CSNK1A1: variants seen among roughly 807,000 people sequenced by gnomAD.
CSNK1A1 encodes the protein casein kinase 1 alpha 1.
Under a neutral mutation model 46.1 loss-of-function variants are expected in CSNK1A1, and 7 were observed. The ratio of observed to expected loss-of-function variants is 0.15; its 90% CI spans 0.09 to 0.29. CSNK1A1 has a LOEUF of 0.29. Among genes scored for constraint, CSNK1A1 ranks in the 10% least tolerant of loss-of-function variants. The pLI is 1.00. For missense variants in CSNK1A1, 96 were observed against 417.1 expected, an observed-to-expected ratio of 0.23 and a Z score of 6.71; for synonymous variants, 137 against 141.5, an observed-to-expected ratio of 0.97 and a Z score of 0.23.
chr5:149,509,991 G>T, intron 6 of CSNK1A1, 38 bp from the exon 7 acceptor site: 2 of 1,381,076 alleles, frequency 1.4e-6, no homozygotes, highest in Non-Finnish European at 2.0e-6. Flanking sequence ...TATACTCAGT[G>T]CTACTGAGAA....
intron 9 of CSNK1A1, chr5:149,504,751 T>C: frequency 1.0e-6 from 1 of 985,434 alleles, no homozygotes; most frequent in Non-Finnish European, 1.2e-6. Flanking sequence ...ATTTGCAACA[T>C]TGTGAAAAAT....
intron 2 of CSNK1A1, among the ~76,000 whole-genome samples, chr5:149,540,247 T>C (rs1452650347): frequency 5.3e-5 from 8 of 152,162 alleles, no homozygotes; most frequent in Admixed American, 5.2e-4. Flanking sequence ...CTAGATGGCA[T>C]CACAGGCAGA....
At chr5:149,516,745 T>C (rs542116047) in intron 4 of CSNK1A1, among the ~76,000 whole-genome samples, 7 of 152,262 alleles carry the variant, frequency 4.6e-5, no homozygotes, top group Non-Finnish European at 1.0e-4. Context: ...ATCTAACTAG[T>C]CACAATACTT....
chr5:149,513,078 A>G lies in CSNK1A1; in HGVS notation c.588T>C (p.Ile196=). 6.2e-7 allele frequency: 1 copy of G among 1,613,952 alleles called. No homozygotes were observed. Among genetic ancestry groups the G allele is most frequent in the Non-Finnish European group, 8.5e-7 (1 of 1,179,896 alleles). The part of the protein sequence containing the change: ...RYASINAHLG[I]EQSRRDDMES... ...TCCATTTTCGAACTTACCTCTGCTC[A>G]ATACCAAGATGTGCATTGATGCTAG... Residue 196 remains isoleucine (I), a synonymous_variant, in exon 5 of 10, where the codon ATT becomes ATC. Coordinates refer to ENST00000377843, the MANE Select transcript of CSNK1A1 (RefSeq NM_001892.6).
rs181071757 is a variant in CSNK1A1 at position 149,497,640 on chromosome 5, G to C, written c.1007-780C>G. On this transcript the variant is annotated intron_variant, in intron 9 of 9. Coordinates refer to ENST00000377843, the MANE Select transcript of CSNK1A1 (RefSeq NM_001892.6). The stretch of plus-strand genomic sequence containing the variant: ...AGGGAGAAAATATGCCTGTCCCACA[G>C]CAATAGCCTGAAAATCTCTTAAGCA... 28 of 985,356 alleles carry C rather than the reference G, an allele frequency of 2.8e-5. No individual in the cohort carries two copies. In the Admixed American group the frequency reaches 1.5e-3, roughly 54 times the overall value. 61.0% of individuals were successfully genotyped at this position (985,356 alleles called of 1,614,324 possible).
chr5:149,498,120 C>A (rs1760714777), intron 9 of CSNK1A1: 3 of 985,410 alleles, frequency 3.0e-6, no homozygotes, highest in Non-Finnish European at 3.6e-6. Flanking sequence ...GTGGGAGCCA[C>A]CGTGCCCAGC....
intron 9 of CSNK1A1, chr5:149,504,295 A>G: frequency 2.0e-6 from 2 of 985,384 alleles, no homozygotes; most frequent in Non-Finnish European, 2.4e-6. Flanking sequence ...TGCTGGGATG[A>G]GGATGACATC....
At chr5:149,515,702 T>G (rs1761379353) in intron 4 of CSNK1A1, among the ~76,000 whole-genome samples, 1 of 152,192 alleles carries the variant, frequency 6.6e-6, no homozygotes, top group Non-Finnish European at 1.5e-5. Context: ...TTAGTAGCTC[T>G]CTCTGTATGC....
chr5:149,517,932 C>T lies in CSNK1A1; in HGVS notation c.456+2358G>A. On this transcript the variant is annotated intron_variant, in intron 4 of 9. Transcript: ENST00000377843. This position sits in a 1 kb window ranked among gnomAD's most constrained non-coding sequence, Gnocchi z 4.4. ...TCAAACAGTATTGCTTACATTGCAA[C>T]AATGGCCGGCGCAGACAGGCAACAC... 1 of 1,136,094 alleles carries T rather than the reference C, an allele frequency of 8.8e-7. No individual in the cohort carries two copies. The highest frequency in any genetic ancestry group is 1.3e-6 in the Non-Finnish European group (1 of 765,334). The allele number at this position is 1,136,094 out of a possible 1,614,324, so 70.4% of individuals were successfully genotyped here. A position where few individuals can be genotyped will look rare whatever the true frequency, so the allele number is the denominator to read the frequency against.
chr5:149,542,280 C>T (rs116627658), intron 2 of CSNK1A1, among the ~76,000 whole-genome samples: 1 of 151,926 alleles, frequency 6.6e-6, no homozygotes, highest in Admixed American at 6.6e-5. Flanking sequence ...CAGATGGAAG[C>T]AGGTAGTTGC....
At chr5:149,547,845 T>C (rs1287286612) in intron 2 of CSNK1A1, among the ~76,000 whole-genome samples, 3 of 151,954 alleles carry the variant, frequency 2.0e-5, no homozygotes, top group Non-Finnish European at 4.4e-5. Context: ...TAAATCAGCA[T>C]TGGAACTTTG....
rs150577586 is a variant in CSNK1A1 at position 149,548,616 on chromosome 5, T to C, written c.230+1459A>G. Among the ~76,000 whole-genome samples the C allele has an allele frequency of 9.1e-3, 1,387 of 151,650 alleles. 59 individuals are homozygous for C. The East Asian group carries it at 0.15, about 16-fold the overall frequency. ...TGGCTCATGCCTGTAATCCCAGCAC[T>C]TTGGGAGGCCGAGGCAGGCAGATCA... On this transcript the variant is annotated intron_variant, in intron 2 of 9. Coordinates refer to ENST00000377843, the MANE Select transcript of CSNK1A1 (RefSeq NM_001892.6).
chr5:149,501,808 C>A (rs531601542), intron 9 of CSNK1A1: 1 of 978,738 alleles, frequency 1.0e-6, no homozygotes, highest in East Asian at 1.1e-4. Flanking sequence ...TTTTCCTTTA[C>A]TTATTTTTAA....
At chr5:149,521,228 A>C (rs1383624284) in intron 3 of CSNK1A1, among the ~76,000 whole-genome samples, 1 of 150,688 alleles carries the variant, frequency 6.6e-6, no homozygotes, top group East Asian at 1.9e-4. Context: ...ATAATATCAC[A>C]CTGCCTTCCA....
At chr5:149,543,774 GCTA>G (rs1212508757) in intron 2 of CSNK1A1, among the ~76,000 whole-genome samples, 1 of 152,120 alleles carries the variant, frequency 6.6e-6, no homozygotes, top group Non-Finnish European at 1.5e-5. Context: ...TGCAGTCCTA[GCTA>G]CTCAGGAGGC....
At chr5:149,541,798 A>G (rs971496247) in intron 2 of CSNK1A1, among the ~76,000 whole-genome samples, 3 of 151,858 alleles carry the variant, frequency 2.0e-5, no homozygotes, top group African/African-American at 7.3e-5. Flanking sequence ...CAATATGGTG[A>G]AACCTCATCT....
intron 5 of CSNK1A1, 113 bp downstream of exon 5, chr5:149,512,957 C>A: frequency 7.8e-7 from 1 of 1,278,684 alleles, no homozygotes; most frequent in Non-Finnish European, 1.1e-6. Context: ...AAGCATCCTT[C>A]AAATCCTCAG....
intron 7 of CSNK1A1, among the ~76,000 whole-genome samples, chr5:149,509,481 A>T (rs1761145496): frequency 6.7e-6 from 1 of 148,578 alleles, no homozygotes; most frequent in Non-Finnish European, 1.5e-5. Context: ...CACCACTGCA[A>T]TTGGAGCCTC....
chr5:149,550,017 C>T lies in CSNK1A1; in HGVS notation c.230+58G>A. On this transcript the variant is annotated intron_variant, in intron 2 of 9. Coordinates refer to ENST00000377843, the MANE Select transcript of CSNK1A1 (RefSeq NM_001892.6). The surrounding 1 kb of genome is among the most constrained non-coding windows in gnomAD (Gnocchi z 4.3). The stretch of plus-strand genomic sequence containing the variant: ...CAGCTGGTCTCATTACCTGCCTCTA[C>T]CCACTTCCCCATTCCGTGCTTCCCT... The T allele has an allele frequency of 6.3e-7, 1 of 1,579,186 alleles. No homozygotes were observed. Among genetic ancestry groups the T allele is most frequent in the South Asian group, 1.1e-5 (1 of 87,692 alleles).
Sources: allele counts gnomAD v4.1 joint callset (sites outside exome capture counted in the v4.1 genomes callset), GRCh38; gene constraint gnomAD v4.1.1; non-coding constraint Gnocchi (gnomAD v3.1); transcripts MANE v1.5; gene names NCBI Gene and HGNC (gene_info 2026-07-23, HGNC 2026-07-21).